Variants in CUL9 observed in about 807,000 individuals in gnomAD.
CUL9 encodes the protein cullin-9.
A neutral mutation model predicts 272.6 loss-of-function variants in CUL9; 79 were observed. The observed-to-expected ratio is 0.29, with a 90% CI of 0.24 to 0.35. The LOEUF is 0.35. Among genes scored for constraint, CUL9 ranks in the 10% least tolerant of loss-of-function variants. CUL9 has a pLI of 1.00. For synonymous variants in CUL9, 1,186 were observed against 1,286.5 expected (o/e 0.92, Z 1.67); for missense variants, 2,532 against 3,255.6 (o/e 0.78, Z 5.41).
chr6:43,219,689 AGT>A (rs1451422787), intron 31 of CUL9, among the ~76,000 whole-genome samples: 1 of 152,180 alleles, frequency 6.6e-6, no homozygotes, highest in African/African-American at 2.4e-5. Context: ...GGCCATAGGC[AGT>A]GTGAGAGGCA....
chr6:43,197,698 G>A (rs978175713), intron 11 of CUL9, among the ~76,000 whole-genome samples: 2 of 151,774 alleles, frequency 1.3e-5, no homozygotes, highest in Admixed American at 6.6e-5. Flanking sequence ...TGGTCAGGCC[G>A]GTTTTGAACT....
chr6:43,205,204 C>T, intron 23 of CUL9, 59 bp from the exon 24 acceptor site: 1 of 1,595,014 alleles, frequency 6.3e-7, no homozygotes, highest in Non-Finnish European at 8.6e-7. Flanking sequence ...TTTCGCTCCC[C>T]AGTCTCCTAC....
chr6:43,220,525 A>G lies in CUL9; in HGVS notation c.6349A>G (p.Ile2117Val). The change falls in exon 32 of 41, where the codon ATT (isoleucine) becomes GTT (valine). Residue 2117 changes from isoleucine (I) to valine (V), a missense_variant. Physicochemically the swap from Ile to Val is conservative, Grantham distance 29. Around this residue, in one of 3 missense-constraint regions of CUL9, gnomAD observed 2,218 missense variants for 2,788.6 expected, o/e 0.80. Coordinates refer to ENST00000252050, the MANE Select transcript of CUL9 (RefSeq NM_015089.4). This position sits in a 1 kb window ranked among gnomAD's most constrained non-coding sequence, Gnocchi z 4.9. The part of the protein sequence containing the change: ...QNLVLNCTCP[I>V]ADCPAQPTGA... ...CCTTGTTTTGAATTGCACCTGCCCC[A>G]TTGCCGACTGCCCCGCCCAGCCCAC... The G allele has an allele frequency of 6.2e-7, 1 of 1,613,950 alleles. No homozygotes were observed. Among genetic ancestry groups the G allele is most frequent in the Non-Finnish European group, 8.5e-7 (1 of 1,179,978 alleles).
rs914225765 is a variant in CUL9 at position 43,222,588 on chromosome 6, A to G, written c.6979A>G (p.Arg2327Gly). ...VSAIHEVPPP[R>G]SFTFLNDACQ... ...TGCCATCCATGAAGTGCCCCCGCCC[A>G]GATCCTTCACCTTCCTCAATGATGC... Residue 2327 changes from arginine to glycine, a missense_variant, in exon 37 of 41, where the codon AGA (arginine) becomes GGA (glycine). This residue lies in a region of CUL9 where 237 missense variants were observed against 305.9 expected (regional missense o/e 0.77). Transcript: ENST00000252050. 1 of 1,613,448 alleles carries G rather than the reference A, an allele frequency of 6.2e-7. No homozygotes were observed. The highest frequency in any genetic ancestry group is 8.5e-7 in the Non-Finnish European group (1 of 1,180,036).
At chr6:43,183,833 A>G (rs1007311014) in intron 1 of CUL9, among the ~76,000 whole-genome samples, 3 of 150,818 alleles carry the variant, frequency 2.0e-5, no homozygotes, top group African/African-American at 7.3e-5. Flanking sequence ...GCTCACTGCA[A>G]CCTCCGCCTC....
chr6:43,214,651 A>C (rs1016729506), intron 29 of CUL9, among the ~76,000 whole-genome samples: 2 of 152,036 alleles, frequency 1.3e-5, no homozygotes, highest in East Asian at 3.9e-4. Context: ...AAATACAAAA[A>C]TTAGCCAGGC....
Position 43,199,266 on chromosome 6 carries a change from G to T in CUL9, c.3051G>T (p.Arg1017Ser), listed in dbSNP as rs1774315440. The T allele has an allele frequency of 1.1e-5, 17 of 1,612,546 alleles. No homozygotes were observed. The highest frequency in any genetic ancestry group is 1.4e-5 in the Non-Finnish European group (17 of 1,178,968). ...TCACTCGTTTCTACCCCCTCACCAG[G>T]GTCATAACCCGACTGCTGGATTTCC... ...PNKTLLLSVL[R>S]VITRLLDFPE... The change falls in exon 13 of 41, where the codon AGG (arginine) becomes AGT (serine). Residue 1017 changes from arginine (R) to serine (S), a missense_variant and splice_region_variant. Arg to Ser is a moderately radical substitution (Grantham distance 110). Coordinates refer to ENST00000252050, the MANE Select transcript of CUL9 (RefSeq NM_015089.4). The surrounding 1 kb of genome is among the most constrained non-coding windows in gnomAD (Gnocchi z 4.4).
chr6:43,222,448 T>TGG, intron 36 of CUL9, 58 bp downstream of exon 36: 1 of 659,436 alleles, frequency 1.5e-6, no homozygotes, highest in Non-Finnish European at 2.4e-6. Context: ...GGTGGTGGGG[T>TGG]GGAGGGGGGT....
chr6:43,204,052 G>A, intron 20 of CUL9, 65 bp downstream of exon 20: 1 of 1,524,466 alleles, frequency 6.6e-7, no homozygotes, highest in Non-Finnish European at 8.8e-7. Context: ...GATCACCTGA[G>A]TTAATGCTCT....
chr6:43,195,521 G>A (rs1320092593), intron 9 of CUL9, among the ~76,000 whole-genome samples: 2 of 152,192 alleles, frequency 1.3e-5, no homozygotes, highest in Non-Finnish European at 2.9e-5. Flanking sequence ...GGTTGCCTCA[G>A]TGTGGGTGAG....
In CUL9 at chr6:43,221,296, A is replaced by G; in HGVS notation, c.6727A>G (p.Ile2243Val). 6.2e-7 allele frequency: 1 copy of G among 1,607,058 alleles called. No individual in the cohort carries two copies. The highest frequency in any genetic ancestry group is 8.5e-7 in the Non-Finnish European group (1 of 1,178,946). Reference protein sequence around the residue: ...SKRCPSCQAPIEKNEGCLHMT... With the variant: ...SKRCPSCQAPVEKNEGCLHMT... ...GCGCTGTCCCAGCTGTCAGGCTCCC[A>G]TCGAGAAGAACGAGGGGTGCCTGCA... Residue 2243 changes from isoleucine to valine, a missense_variant, in exon 34 of 41, where the codon ATC (isoleucine) becomes GTC (valine). By Grantham distance (29) the Ile-to-Val change is conservative (BLOSUM62 3). Around this residue, in one of 3 missense-constraint regions of CUL9, gnomAD observed 77 missense variants for 161.1 expected, o/e 0.48. Transcript: ENST00000252050. The surrounding 1 kb of genome is among the most constrained non-coding windows in gnomAD (Gnocchi z 4.2).
At position 43,223,139 on chromosome 6, in the gene CUL9, G is replaced by GGGA. The variant is rs1291267942; in HGVS notation, c.7151-123_7151-121dup. ...TTCTGGTCTTTACCCTGCTCCCCTA[G>GGGA]GGAGCTTCATGAGAATGTCTAGAGC... On this transcript the variant is annotated intron_variant, in intron 38 of 40. Transcript: ENST00000252050. This position sits in a 1 kb window ranked among gnomAD's most constrained non-coding sequence, Gnocchi z 4.1. 10 of 1,351,400 alleles carry GGGA rather than the reference G, an allele frequency of 7.4e-6. No homozygotes were observed. In the African/African-American group the frequency reaches 1.5e-4, roughly 20 times the overall value. 83.7% of individuals were successfully genotyped at this position (1,351,400 alleles called of 1,614,324 possible).
chr6:43,193,690 C>T (rs1372364127), intron 9 of CUL9, among the ~76,000 whole-genome samples: 1 of 152,102 alleles, frequency 6.6e-6, no homozygotes, highest in Non-Finnish European at 1.5e-5. Flanking sequence ...AGGCATGAGC[C>T]ACCGTGCCCA....
In CUL9 at chr6:43,187,960, A is replaced by T; in HGVS notation, c.1829A>T (p.Glu610Val). The T allele has an allele frequency of 6.2e-7, 1 of 1,614,058 alleles. No individual in the cohort carries two copies. Among genetic ancestry groups the T allele is most frequent in the Non-Finnish European group, 8.5e-7 (1 of 1,180,008 alleles). Reference protein sequence around the residue: ...SEASFSEEETESLKAKAEAPK... With the variant: ...SEASFSEEETVSLKAKAEAPK... Reference sequence around the variant, plus strand: ...GCCAGCTTCTCAGAGGAAGAGACTGAGTCCCTCAAAGCAAAGGCCGAGGCC... The same window carrying T: ...GCCAGCTTCTCAGAGGAAGAGACTGTGTCCCTCAAAGCAAAGGCCGAGGCC... Residue 610 changes from glutamate (E) to valine (V), a missense_variant, in exon 7 of 41, where the codon GAG becomes GTG. Physicochemically the swap from Glu to Val is moderately radical, Grantham distance 121 (BLOSUM62 -2). Around this residue, in one of 3 missense-constraint regions of CUL9, gnomAD observed 2,218 missense variants for 2,788.6 expected, o/e 0.80. Transcript: ENST00000252050.
chr6:43,189,058 A>G (rs547292538), intron 8 of CUL9: 1 of 184,744 alleles, frequency 5.4e-6, no homozygotes, highest in African/African-American at 2.3e-5. Context: ...TAGCAGAGCC[A>G]GGATTCAAAC....
At chr6:43,192,751 A>G (rs1006888408) in intron 8 of CUL9, among the ~76,000 whole-genome samples, 1 of 152,224 alleles carries the variant, frequency 6.6e-6, no homozygotes, top group Non-Finnish European at 1.5e-5. Flanking sequence ...TTTATTTGAA[A>G]AGGTGAGCCA....
chr6:43,203,613 G>A lies in CUL9; in HGVS notation c.4025+21G>A, dbSNP rs775527749. 6.2e-7 allele frequency: 1 copy of A among 1,609,264 alleles called. No individual in the cohort carries two copies. Among genetic ancestry groups the A allele is most frequent in the South Asian group, 1.1e-5 (1 of 90,850 alleles). On this transcript the variant is annotated intron_variant, in intron 19 of 40. Transcript: ENST00000252050. This position sits in a 1 kb window ranked among gnomAD's most constrained non-coding sequence, Gnocchi z 5.0. Reference sequence around the variant, plus strand: ...CCCAGGTGGGTGGGGCCTGAGGAGGGAAGATGGGTAAGGGAACAGGACACT... The same window carrying A: ...CCCAGGTGGGTGGGGCCTGAGGAGGAAAGATGGGTAAGGGAACAGGACACT...
chr6:43,196,203 G>C lies in CUL9; in HGVS notation c.2523G>C (p.Pro841=). 1.2e-6 allele frequency: 2 copies of C among 1,614,080 alleles called. No individual in the cohort carries two copies. The highest frequency in any genetic ancestry group is 1.7e-6 in the Non-Finnish European group (2 of 1,180,028). The change falls in exon 10 of 41, where the codon CCG becomes CCC. Residue 841 remains proline, a synonymous_variant. Coordinates refer to ENST00000252050, the MANE Select transcript of CUL9 (RefSeq NM_015089.4). ...IFASIDSATR[P]GSESLLLTVP... is the part of the protein sequence containing the mutation. ...CCAGCATCGACTCAGCCACACGCCC[G>C]GGCTCTGAGAGCCTGCTCCTCACTG...
At position 43,187,391 on chromosome 6, in the gene CUL9, G is replaced by T; in HGVS notation, c.1533G>T (p.Leu511Phe). The part of the protein sequence containing the change: ...ELLFFIKKLD[L>F]CEQQPIFQNL... Reference sequence around the variant, plus strand: ...TTTTCTTTATCAAAAAGTTGGACTTGTGTGAGCAGCAGCCAATTTTCCAGA... The same window carrying T: ...TTTTCTTTATCAAAAAGTTGGACTTTTGTGAGCAGCAGCCAATTTTCCAGA... Residue 511 changes from leucine to phenylalanine, a missense_variant, in exon 6 of 41, where the codon TTG (leucine) becomes TTT (phenylalanine). Physicochemically the swap from Leu to Phe is conservative, Grantham distance 22. Around this residue, in one of 3 missense-constraint regions of CUL9, gnomAD observed 2,218 missense variants for 2,788.6 expected, o/e 0.80. Coordinates refer to ENST00000252050, the MANE Select transcript of CUL9 (RefSeq NM_015089.4). 1 of 1,614,124 alleles carries T rather than the reference G, an allele frequency of 6.2e-7. No individual in the cohort carries two copies.
Sources: allele counts gnomAD v4.1 joint callset (sites outside exome capture counted in the v4.1 genomes callset), GRCh38; gene constraint gnomAD v4.1.1; regional missense constraint gnomAD v4.1.1; non-coding constraint Gnocchi (gnomAD v3.1); transcripts MANE v1.5; gene names NCBI Gene and HGNC (gene_info 2026-07-23, HGNC 2026-07-21).